Variants in PLPP4 observed in about 807,000 individuals in gnomAD.
PLPP4 encodes diacylglycerol pyrophosphate like 2.
A neutral mutation model predicts 32.2 loss-of-function variants in PLPP4; 20 were observed. That is an observed-to-expected ratio of 0.62 (90% CI 0.44 to 0.90). The LOEUF is 0.90. Ranked by LOEUF, PLPP4 falls within the 40% of genes least tolerant of loss-of-function variation. The probability of loss-of-function intolerance (pLI) is 0.00; values close to 1 mark genes in which losing one functional copy is unlikely to be tolerated. For missense variants in PLPP4, 257 were observed against 353.1 expected (o/e 0.73, Z 2.18); for synonymous variants, 127 against 133.0 (o/e 0.95, Z 0.31).
intron 2 of PLPP4, among the ~76,000 whole-genome samples, chr10:120,512,110 G>T (rs762467100): frequency 1.3e-5 from 2 of 151,956 alleles, no homozygotes; most frequent in Non-Finnish European, 2.9e-5. Context: ...AAAACAAAAT[G>T]TACATTTCCA....
At chr10:120,560,831 A>T (rs1848399859) in intron 5 of PLPP4, among the ~76,000 whole-genome samples, 1 of 152,216 alleles carries the variant, frequency 6.6e-6, no homozygotes, top group South Asian at 2.1e-4. Flanking sequence ...CAACCTGTAC[A>T]AAATATGGGT....
chr10:120,551,859 CTTCTCATCTTTCAGGT>C (rs1172143677), intron 5 of PLPP4, among the ~76,000 whole-genome samples: 1 of 152,032 alleles, frequency 6.6e-6, no homozygotes, highest in Admixed American at 6.6e-5. Flanking sequence ...TAAGTTGCTC[CTTCTCATCTTTCAGGT>C]TTATATAAAG....
At chr10:120,476,996 T>C (rs750006703) in intron 1 of PLPP4, among the ~76,000 whole-genome samples, 2 of 152,164 alleles carry the variant, frequency 1.3e-5, no homozygotes, top group Non-Finnish European at 2.9e-5. Context: ...GAGAGCCACT[T>C]GTTTATAAGA....
chr10:120,565,318 GTGTGTGT>G (rs1848641522), intron 5 of PLPP4, among the ~76,000 whole-genome samples: 1 of 6,858 alleles, frequency 1.5e-4, no homozygotes, highest in Admixed American at 1.9e-3. Flanking sequence ...TTTGTGTGGT[GTGTGTGT>G]GTGTGTGTGT....
At chr10:120,499,821 G>T (rs1006023861) in intron 1 of PLPP4, among the ~76,000 whole-genome samples, 1 of 152,010 alleles carries the variant, frequency 6.6e-6, no homozygotes, top group Non-Finnish European at 1.5e-5. Context: ...TAGAAGCAGG[G>T]TTCCCATTTC....
At chr10:120,578,158 G>A (rs79295739) in intron 6 of PLPP4, among the ~76,000 whole-genome samples, 6,840 of 152,186 alleles carry the variant, frequency 0.045, 251 homozygotes, top group South Asian at 0.2. Context: ...CATGTTACAC[G>A]TTAAGAAGCA....
chr10:120,471,546 T>G (rs4751785), intron 1 of PLPP4, among the ~76,000 whole-genome samples: 110,781 of 151,826 alleles, frequency 0.73, 42,511 homozygotes, highest in East Asian at 0.92. Flanking sequence ...CTAACATTAA[T>G]ATGTTACTAC....
At chr10:120,532,549 A>G (rs749228949) in intron 5 of PLPP4, among the ~76,000 whole-genome samples, 6 of 152,188 alleles carry the variant, frequency 3.9e-5, no homozygotes, top group Middle Eastern at 3.2e-3. Context: ...CAGCATTTGC[A>G]CAATCACCAC....
chr10:120,516,588 T>TA lies in PLPP4; in HGVS notation c.257-2244dup, dbSNP rs1845943791. On this transcript the variant is annotated intron_variant, in intron 3 of 6. Transcript: ENST00000398250. ...AGTAGCGTCCTGAGTACAGGCTGCT[T>TA]ACAAGCCGACTCACGGGACATGTTG... 2.6e-5 allele frequency among the ~76,000 whole-genome samples: 4 copies of TA among 152,218 alleles called. 1 individual carries two copies. In the South Asian group the frequency reaches 8.3e-4, roughly 32 times the overall value.
intron 1 of PLPP4, among the ~76,000 whole-genome samples, chr10:120,500,242 C>T (rs1044886766): frequency 1.3e-5 from 2 of 152,066 alleles, no homozygotes; most frequent in Non-Finnish European, 2.9e-5. Context: ...ACAAACAAGA[C>T]GAGGAAGGAA....
chr10:120,559,915 G>T (rs74842106), intron 5 of PLPP4, among the ~76,000 whole-genome samples: 1 of 152,290 alleles, frequency 6.6e-6, no homozygotes, highest in South Asian at 2.1e-4. Flanking sequence ...TCACAGCTGC[G>T]TAAGATTAAC....
chr10:120,465,922 A>C (rs568384926), intron 1 of PLPP4, among the ~76,000 whole-genome samples: 1 of 152,106 alleles, frequency 6.6e-6, no homozygotes, highest in African/African-American at 2.4e-5. Flanking sequence ...CGTGTGCTCC[A>C]ATTCATTTAT....
chr10:120,556,576 C>T (rs1266408726), intron 5 of PLPP4, among the ~76,000 whole-genome samples: 1 of 152,146 alleles, frequency 6.6e-6, no homozygotes, highest in Non-Finnish European at 1.5e-5. Flanking sequence ...GTAAACTAAG[C>T]GTAGAGGCTT....
chr10:120,589,768 G>A lies in PLPP4; in HGVS notation c.*266G>A, dbSNP rs775181513. On this transcript the variant is annotated 3_prime_UTR_variant, in exon 7 of 7. Coordinates refer to ENST00000398250, the MANE Select transcript of PLPP4 (RefSeq NM_001030059.3). Reference sequence around the variant, plus strand: ...GGGGTTTGGGGAGCTTGGCCGATTCGTCTATCTGAAATGTTTGCTGTAACA... The same window carrying A: ...GGGGTTTGGGGAGCTTGGCCGATTCATCTATCTGAAATGTTTGCTGTAACA... 21 of 418,746 alleles carry A rather than the reference G, an allele frequency of 5.0e-5. No homozygotes were observed. Among genetic ancestry groups the A allele is most frequent in the East Asian group, 1.2e-4 (3 of 25,558 alleles). The allele number at this position is 418,746 out of a possible 1,614,324, so 25.9% of individuals were successfully genotyped here. A position where few individuals can be genotyped will look rare whatever the true frequency, so the allele number is the denominator to read the frequency against.
chr10:120,483,748 G>A (rs905332502), intron 1 of PLPP4, among the ~76,000 whole-genome samples: 1 of 152,156 alleles, frequency 6.6e-6, no homozygotes, highest in Non-Finnish European at 1.5e-5. Flanking sequence ...TCCCATGACA[G>A]CTAGTTGTTA....
intron 2 of PLPP4, among the ~76,000 whole-genome samples, chr10:120,506,469 A>G (rs1663249521): frequency 6.6e-6 from 1 of 152,232 alleles, no homozygotes; most frequent in African/African-American, 2.4e-5. Context: ...GATGTATAAA[A>G]TGGCTTGATT....
chr10:120,567,994 G>A (rs1020991916), intron 5 of PLPP4, among the ~76,000 whole-genome samples: 3 of 152,210 alleles, frequency 2.0e-5, no homozygotes, highest in Non-Finnish European at 4.4e-5. Flanking sequence ...ACTAGAACAT[G>A]AGGAAATCTT....
chr10:120,536,362 A>G (rs1039051477), intron 5 of PLPP4, among the ~76,000 whole-genome samples: 1 of 152,124 alleles, frequency 6.6e-6, no homozygotes, highest in Non-Finnish European at 1.5e-5. Context: ...GGAATAGAAT[A>G]GAAAGCCCAG....
At chr10:120,497,972 G>A (rs1162011430) in intron 1 of PLPP4, among the ~76,000 whole-genome samples, 2 of 151,974 alleles carry the variant, frequency 1.3e-5, no homozygotes, top group African/African-American at 4.8e-5. Context: ...CCTGGGAGGC[G>A]GAGCTTGCAG....
Sources: allele counts gnomAD v4.1 joint callset (sites outside exome capture counted in the v4.1 genomes callset), GRCh38; gene constraint gnomAD v4.1.1; transcripts MANE v1.5; gene names NCBI Gene and HGNC (gene_info 2026-07-23, HGNC 2026-07-21).